TRPM3: variants seen among roughly 807,000 people sequenced by gnomAD.
TRPM3 encodes the protein long transient receptor potential channel 3.
Under a neutral mutation model 181.2 loss-of-function variants are expected in TRPM3, and 77 were observed. That is an observed-to-expected ratio of 0.42 (90% CI 0.35 to 0.51). The LOEUF (loss-of-function observed/expected upper bound fraction) is 0.51, where lower values mean the gene tolerates loss of function less well. TRPM3 is among the 20% of genes least tolerant of loss of function. The pLI, the probability that TRPM3 is intolerant of heterozygous loss-of-function variation, is 0.01. For synonymous variants in TRPM3, 745 were observed against 796.4 expected (o/e 0.94, Z 1.09); for missense variants, 1,759 against 2,196.7 (o/e 0.80, Z 3.98).
intron 9 of TRPM3, among the ~76,000 whole-genome samples, chr9:70,651,250 A>C (rs569745876): frequency 6.6e-6 from 1 of 152,218 alleles, no homozygotes; most frequent in Non-Finnish European, 1.5e-5. Flanking sequence ...ATTTTTATAA[A>C]GAGTATTATT....
chr9:71,367,746 G>A (rs143697323), intron 1 of TRPM3, among the ~76,000 whole-genome samples: 2 of 152,252 alleles, frequency 1.3e-5, no homozygotes, highest in African/African-American at 4.8e-5. Context: ...TGAGGAATTA[G>A]CAATTTCCCC....
intron 1 of TRPM3, among the ~76,000 whole-genome samples, chr9:71,091,868 A>G (rs623926): frequency 1 from 151,806 of 152,174 alleles, 75,719 homozygotes; most frequent in Middle Eastern, 1. Flanking sequence ...ATTGTGAATG[A>G]TTAAGGTATA....
intron 1 of TRPM3, among the ~76,000 whole-genome samples, chr9:71,066,438 G>T (rs1191558725): frequency 1.3e-5 from 2 of 152,126 alleles, no homozygotes; most frequent in Non-Finnish European, 2.9e-5. Context: ...CTTGATATTT[G>T]AAATTGTAAA....
At chr9:70,627,542 G>C (rs1411530978) in intron 12 of TRPM3, among the ~76,000 whole-genome samples, 2 of 151,986 alleles carry the variant, frequency 1.3e-5, no homozygotes, top group Non-Finnish European at 2.9e-5. Flanking sequence ...CAAAGTGCTG[G>C]GATTACAGGT....
intron 22 of TRPM3, among the ~76,000 whole-genome samples, chr9:70,581,538 G>A (rs1190569661): frequency 1.3e-5 from 2 of 152,256 alleles, no homozygotes; most frequent in African/African-American, 4.8e-5. Context: ...TGTGAGCCTT[G>A]CTGGGATCAT....
chr9:70,953,048 G>A (rs1486349105), intron 1 of TRPM3, among the ~76,000 whole-genome samples: 3 of 151,878 alleles, frequency 2.0e-5, no homozygotes, highest in Non-Finnish European at 4.4e-5. Context: ...TACTGCTAAA[G>A]CTGGACGGTC....
intron 1 of TRPM3, among the ~76,000 whole-genome samples, chr9:70,958,921 G>C (rs2133796537): frequency 6.7e-6 from 1 of 150,104 alleles, no homozygotes; most frequent in South Asian, 2.1e-4. Context: ...ACCAAACACT[G>C]CATGTTCTCA....
At chr9:70,541,079 C>T (rs1025679392) in intron 25 of TRPM3, among the ~76,000 whole-genome samples, 6 of 152,086 alleles carry the variant, frequency 3.9e-5, no homozygotes, top group African/African-American at 1.2e-4. Context: ...AAACTGGACA[C>T]ATAAAGTGAG....
At chr9:71,157,866 C>T (rs1466295931) in intron 1 of TRPM3, among the ~76,000 whole-genome samples, 1 of 151,540 alleles carries the variant, frequency 6.6e-6, no homozygotes, top group Non-Finnish European at 1.5e-5. Context: ...AAGATATAAG[C>T]TCAAGAGCAC....
At chr9:70,743,289 A>G (rs1218653652) in intron 8 of TRPM3, among the ~76,000 whole-genome samples, 1 of 152,186 alleles carries the variant, frequency 6.6e-6, no homozygotes, top group East Asian at 1.9e-4. Context: ...TGCTTGTATA[A>G]TCTTCACCTT....
chr9:71,333,816 C>T (rs964705271), intron 1 of TRPM3, among the ~76,000 whole-genome samples: 3 of 151,778 alleles, frequency 2.0e-5, no homozygotes, highest in African/African-American at 4.8e-5. Context: ...GAATGTGAAC[C>T]GATTTTCTAA....
intron 1 of TRPM3, among the ~76,000 whole-genome samples, chr9:70,866,343 A>T (rs2095649438): frequency 6.6e-6 from 1 of 152,052 alleles, no homozygotes. Flanking sequence ...GAGAGTGCTG[A>T]CCAATACTCC....
intron 7 of TRPM3, among the ~76,000 whole-genome samples, chr9:70,779,779 A>G (rs1047308524): frequency 1.3e-5 from 2 of 152,184 alleles, no homozygotes; most frequent in African/African-American, 2.4e-5. Flanking sequence ...ATTTGATAAT[A>G]TTTCTAAAGC....
At chr9:70,614,848 T>C (rs2062539801) in intron 18 of TRPM3, among the ~76,000 whole-genome samples, 2 of 152,232 alleles carry the variant, frequency 1.3e-5, no homozygotes, top group Non-Finnish European at 2.9e-5. Flanking sequence ...ATGATCAAAC[T>C]ATTATATTCT....
intron 5 of TRPM3, among the ~76,000 whole-genome samples, chr9:70,829,071 C>T (rs979928613): frequency 6.6e-6 from 1 of 152,110 alleles, no homozygotes; most frequent in African/African-American, 2.4e-5. Flanking sequence ...GGTCTTAGTA[C>T]AGCTATCACT....
intron 1 of TRPM3, among the ~76,000 whole-genome samples, chr9:71,368,731 C>A (rs561907644): frequency 7.2e-5 from 11 of 152,176 alleles, no homozygotes; most frequent in African/African-American, 2.6e-4. Flanking sequence ...GGCTTTGGTT[C>A]GTTTAAAAAA....
intron 1 of TRPM3, among the ~76,000 whole-genome samples, chr9:71,234,664 C>A (rs973656597): frequency 2.0e-5 from 3 of 152,140 alleles, no homozygotes; most frequent in Non-Finnish European, 4.4e-5. Flanking sequence ...CAGTTACACC[C>A]ACCTTAATGT....
At chr9:70,586,448 G>A (rs1255490223) in intron 22 of TRPM3, among the ~76,000 whole-genome samples, 1 of 152,210 alleles carries the variant, frequency 6.6e-6, no homozygotes, top group Non-Finnish European at 1.5e-5. Context: ...GCCTCAGTTT[G>A]TATTAGTAAA....
chr9:71,310,625 T>A lies in TRPM3; in HGVS notation c.183+136028A>T, dbSNP rs183471299. On this transcript the variant is annotated intron_variant, in intron 1 of 24. Transcript: ENST00000357533. ...ATCTTCTCACCCAAGGGGGGTGTCT[T>A]GTATGATTAACTAATCCAGTTATTT... Among the ~76,000 whole-genome samples, 523 of 152,242 alleles carry A rather than the reference T, an allele frequency of 3.4e-3. 5 individuals carry two copies. Among genetic ancestry groups the A allele is most frequent in the African/African-American group, 0.012 (497 of 41,560 alleles).
Sources: allele counts gnomAD v4.1 joint callset (sites outside exome capture counted in the v4.1 genomes callset), GRCh38; gene constraint gnomAD v4.1.1; transcripts MANE v1.5; gene names NCBI Gene and HGNC (gene_info 2026-07-23, HGNC 2026-07-21).